SPAG16: variants seen among roughly 807,000 people sequenced by gnomAD.
SPAG16 encodes the protein sperm-associated antigen 16 protein.
In SPAG16, 86 loss-of-function variants were observed where a neutral mutation model predicts 80.4. That is an observed-to-expected ratio of 1.07 (90% CI 0.90 to 1.28). The LOEUF is 1.28. SPAG16 is among the 50% of genes most tolerant of loss of function. SPAG16 has a pLI of 0.00. For missense variants in SPAG16, 870 were observed against 765.3 expected, an observed-to-expected ratio of 1.14 and a Z score of -1.61; for synonymous variants, 294 against 265.9, an observed-to-expected ratio of 1.11 and a Z score of -1.03.
intron 10 of SPAG16, among the ~76,000 whole-genome samples, chr2:213,831,746 G>A (rs1426864722): frequency 6.6e-6 from 1 of 151,738 alleles, no homozygotes; most frequent in African/African-American, 2.4e-5. Context: ...CACCTGTTTG[G>A]TATTGTAATC....
In SPAG16 at chr2:213,631,240, A is replaced by G. The variant is rs527827117; in HGVS notation, c.1070+141150A>G. ...TTGAAAATGTTTTTAAGTGGCAATA[A>G]ATTCATTTCAAAACAAACAAACAAA... On this transcript the variant is annotated intron_variant, in intron 10 of 15. Coordinates refer to ENST00000331683, the MANE Select transcript of SPAG16 (RefSeq NM_024532.5). Among the ~76,000 whole-genome samples, 41 of 152,284 alleles carry G rather than the reference A, an allele frequency of 2.7e-4. 1 individual carries two copies. Among genetic ancestry groups the G allele is most frequent in the African/African-American group, 9.1e-4 (38 of 41,542 alleles).
chr2:214,211,636 A>AAC, intron 15 of SPAG16, among the ~76,000 whole-genome samples: 1 of 152,150 alleles, frequency 6.6e-6, no homozygotes, highest in South Asian at 2.1e-4. Context: ...CAGCTCCCTG[A>AAC]CTAGAGAGGG....
At position 214,202,759 on chromosome 2, in the gene SPAG16, CT is replaced by C. The variant is rs371856373; in HGVS notation, c.1720+53494del. ...AGGGCCAAGAGACAGAGAATTGAATCTAAGATACACAAATAAATGGCCAAAG... is the reference window on the plus strand; with the variant it reads ...AGGGCCAAGAGACAGAGAATTGAATCAAGATACACAAATAAATGGCCAAAG... On this transcript the variant is annotated intron_variant, in intron 15 of 15. Transcript: ENST00000331683. Among the ~76,000 whole-genome samples, 45 of 152,210 alleles carry C rather than the reference CT, an allele frequency of 3.0e-4. 2 individuals are homozygous for C. Among genetic ancestry groups the C allele is most frequent in the East Asian group, 2.9e-3 (15 of 5,186 alleles).
chr2:213,473,173 C>T (rs556305683), intron 9 of SPAG16, among the ~76,000 whole-genome samples: 71 of 152,252 alleles, frequency 4.7e-4, no homozygotes, highest in African/African-American at 1.4e-3. Flanking sequence ...CCAGGAACTC[C>T]GTGATTAATT....
At chr2:213,341,860 A>G (rs2064702910) in intron 6 of SPAG16, among the ~76,000 whole-genome samples, 1 of 152,150 alleles carries the variant, frequency 6.6e-6, no homozygotes, top group Admixed American at 6.6e-5. Flanking sequence ...CATTTAACAC[A>G]AGTATCTTAT....
chr2:213,369,608 T>A (rs367792836), intron 8 of SPAG16, among the ~76,000 whole-genome samples: 16 of 152,154 alleles, frequency 1.1e-4, no homozygotes, highest in African/African-American at 2.4e-4. Context: ...TTGGCTCAGA[T>A]AGCTAGAAGG....
In SPAG16 at chr2:213,825,701, CTT is replaced by C. The variant is rs55777958; in HGVS notation, c.1071-36763_1071-36762del. 4.2e-3 allele frequency among the ~76,000 whole-genome samples: 456 copies of C among 109,716 alleles called. 2 individuals carry two copies. Among genetic ancestry groups the C allele is most frequent in the East Asian group, 0.039 (148 of 3,826 alleles). The allele number at this position is 109,716 out of a possible 152,430, so 72.0% of individuals were successfully genotyped here. ...TGTAGTTTTCTTTCTTTCTTTCTTT[CTT>C]TTTTTTTTTTTTTTTTTTTTGATGT... On this transcript the variant is annotated intron_variant, in intron 10 of 15. Transcript: ENST00000331683.
intron 12 of SPAG16, among the ~76,000 whole-genome samples, chr2:213,956,916 G>A (rs2044173937): frequency 6.6e-6 from 1 of 151,930 alleles, no homozygotes. Context: ...TAATTATGTT[G>A]TTTAATTTCC....
At chr2:213,790,258 A>C (rs547343954) in intron 10 of SPAG16, among the ~76,000 whole-genome samples, 1 of 151,994 alleles carries the variant, frequency 6.6e-6, no homozygotes, top group African/African-American at 2.4e-5. Context: ...AGTTTCCAAA[A>C]TTATCTTTTC....
At chr2:213,615,484 G>C (rs138845692) in intron 10 of SPAG16, among the ~76,000 whole-genome samples, 206 of 152,176 alleles carry the variant, frequency 1.4e-3, no homozygotes, top group African/African-American at 4.8e-3. Context: ...CCAGCTACTC[G>C]GGAGGCTGAG....
At chr2:214,199,053 G>T (rs147787071) in intron 15 of SPAG16, among the ~76,000 whole-genome samples, 3 of 152,144 alleles carry the variant, frequency 2.0e-5, no homozygotes, top group African/African-American at 4.8e-5. Context: ...TCTCTCAGCT[G>T]CCTGTTTATT....
intron 10 of SPAG16, among the ~76,000 whole-genome samples, chr2:213,676,188 G>A (rs1169875538): frequency 6.6e-6 from 1 of 152,026 alleles, no homozygotes; most frequent in Non-Finnish European, 1.5e-5. Flanking sequence ...CTCTCTGTCT[G>A]TTATTGGTGT....
chr2:213,662,448 G>A (rs997862121), intron 10 of SPAG16, among the ~76,000 whole-genome samples: 6 of 152,114 alleles, frequency 3.9e-5, no homozygotes, highest in Admixed American at 1.3e-4. Context: ...CTTAGGCCAC[G>A]CCATGTAGTT....
chr2:214,120,368 C>A (rs899003222), intron 14 of SPAG16, among the ~76,000 whole-genome samples: 2 of 151,698 alleles, frequency 1.3e-5, no homozygotes, highest in Non-Finnish European at 3.0e-5. Flanking sequence ...ATTTTAGATT[C>A]TTTTCAACTT....
At chr2:213,419,075 G>A (rs950776008) in intron 9 of SPAG16, among the ~76,000 whole-genome samples, 1 of 96,388 alleles carries the variant, frequency 1.0e-5, no homozygotes, top group Admixed American at 1.0e-4. Context: ...GGAATAAAAG[G>A]GGTAAACTGT....
chr2:213,509,695 A>T (rs2075143442), intron 10 of SPAG16, among the ~76,000 whole-genome samples: 1 of 152,198 alleles, frequency 6.6e-6, no homozygotes, highest in African/African-American at 2.4e-5. Flanking sequence ...TATAGCACTA[A>T]ATGCCCACAA....
At chr2:214,409,740 T>C (rs936185453) in intron 15 of SPAG16, among the ~76,000 whole-genome samples, 2 of 152,192 alleles carry the variant, frequency 1.3e-5, no homozygotes, top group African/African-American at 4.8e-5. Context: ...ATGTTTTCCA[T>C]AAATTTTGAA....
chr2:213,349,213 G>A (rs1294004718), intron 6 of SPAG16, among the ~76,000 whole-genome samples: 1 of 152,156 alleles, frequency 6.6e-6, no homozygotes, highest in Non-Finnish European at 1.5e-5. Context: ...GAAATTGATG[G>A]CTTTAAATGC....
intron 10 of SPAG16, among the ~76,000 whole-genome samples, chr2:213,582,482 A>T (rs1193475481): frequency 6.6e-6 from 1 of 152,178 alleles, no homozygotes; most frequent in Admixed American, 6.6e-5. Context: ...GAGATAGTTG[A>T]ACTCTGTGGC....
Sources: allele counts gnomAD v4.1 joint callset (sites outside exome capture counted in the v4.1 genomes callset), GRCh38; gene constraint gnomAD v4.1.1; transcripts MANE v1.5; gene names NCBI Gene and HGNC (gene_info 2026-07-23, HGNC 2026-07-21).